The following PDPK1 variants were observed in gnomAD, a reference collection of about 807,000 sequenced individuals.
PDPK1 encodes the protein 3-phosphoinositide dependent protein kinase 1.
A neutral mutation model predicts 39.8 loss-of-function variants in PDPK1; 7 were observed. The ratio of observed to expected loss-of-function variants is 0.18; its 90% confidence interval spans 0.10 to 0.33. The LOEUF is 0.33. Among genes scored for constraint, PDPK1 ranks in the 10% least tolerant of loss-of-function variants. The pLI is 1.00. For missense variants in PDPK1, 182 were observed against 384.7 expected, an observed-to-expected ratio of 0.47 and a Z score of 4.41; for synonymous variants, 118 against 159.1, an observed-to-expected ratio of 0.74 and a Z score of 1.95.
intron 2 of PDPK1, among the ~76,000 whole-genome samples, chr16:2,559,733 ATTT>A: frequency 6.9e-6 from 1 of 144,252 alleles, no homozygotes; most frequent in Non-Finnish European, 1.5e-5. Context: ...GGCCCTTAAC[ATTT>A]ATCTTGACTG....
chr16:2,597,275 G>C lies in PDPK1; in HGVS notation c.1554G>C (p.Thr518=), dbSNP rs751320393. Residue 518 remains threonine, a splice_region_variant and synonymous_variant, in exon 13 of 14, where the codon ACG becomes ACC. Transcript: ENST00000342085. The surrounding 1 kb of genome is among the most constrained non-coding windows in gnomAD (Gnocchi z 6.3). ...AKNFKTFFVH[T]PNRTYYLMDP... The stretch of plus-strand genomic sequence containing the variant: ...ATTTTAAAACTTTCTTTGTCCACAC[G>C]GTGAGTCTGTTCCCAGGGATTTCTG... The C allele has an allele frequency of 1.3e-6, 2 of 1,579,426 alleles. No homozygotes were observed. The highest frequency in any genetic ancestry group is 1.7e-6 in the Non-Finnish European group (2 of 1,154,276).
At chr16:2,544,424 C>T (rs1458213813) in intron 1 of PDPK1, among the ~76,000 whole-genome samples, 1 of 152,202 alleles carries the variant, frequency 6.6e-6, no homozygotes, top group African/African-American at 2.4e-5. Context: ...ACTTACTGGA[C>T]TGAGGATGAA....
rs1158812087 is a variant in PDPK1 at position 2,599,945 on chromosome 16, A to AC, written c.*2179dup. ...AAGCTCCATCTTAACCTCCAAAGCC[A>AC]CAGAACTAGGGGCTCAGAGCCAGAG... is the stretch of plus-strand genomic sequence containing the variant. On this transcript the variant is annotated 3_prime_UTR_variant, in exon 14 of 14. Coordinates refer to ENST00000342085, the MANE Select transcript of PDPK1 (RefSeq NM_002613.5). The AC allele has an allele frequency of 4.3e-6, 1 of 233,216 alleles. No homozygotes were observed. The highest frequency in any genetic ancestry group is 2.2e-5 in the African/African-American group (1 of 45,346). 14.4% of individuals were successfully genotyped at this position (233,216 alleles called of 1,614,324 possible).
At chr16:2,590,846 C>T (rs1478026091) in intron 11 of PDPK1, among the ~76,000 whole-genome samples, 1 of 152,052 alleles carries the variant, frequency 6.6e-6, no homozygotes, top group African/African-American at 2.4e-5. Context: ...CAAGCTCTCA[C>T]TATGTTACCC....
intron 7 of PDPK1, among the ~76,000 whole-genome samples, chr16:2,578,042 G>A (rs1386816183): frequency 6.7e-6 from 1 of 148,858 alleles, no homozygotes; most frequent in Non-Finnish European, 1.5e-5. Flanking sequence ...CAGCCTGATC[G>A]TTTCTTTGGG....
At position 2,601,371 on chromosome 16, in the gene PDPK1, C is replaced by G. The variant is rs2067211733; in HGVS notation, c.*3604C>G. The G allele has an allele frequency of 4.3e-6, 1 of 234,704 alleles. No homozygotes were observed. Among genetic ancestry groups the G allele is most frequent in the Admixed American group, 5.6e-5 (1 of 17,784 alleles). 14.5% of individuals were successfully genotyped at this position (234,704 alleles called of 1,614,324 possible). ...GCAATCCATCTGTGGCCGATTTTTT[C>G]CAAGAGCCAATTTCCTTGTTTTGGT... On this transcript the variant is annotated 3_prime_UTR_variant, in exon 14 of 14. Coordinates refer to ENST00000342085, the MANE Select transcript of PDPK1 (RefSeq NM_002613.5).
At chr16:2,592,073 C>T (rs1022456448) in intron 11 of PDPK1, among the ~76,000 whole-genome samples, 12 of 152,312 alleles carry the variant, frequency 7.9e-5, no homozygotes, top group South Asian at 2.1e-4. Context: ...AAGCCTCCAG[C>T]GGGGCTCTGG....
intron 11 of PDPK1, 88 bp downstream of exon 11, chr16:2,586,981 C>A: frequency 9.0e-7 from 1 of 1,105,738 alleles, no homozygotes; most frequent in Non-Finnish European, 1.4e-6. Flanking sequence ...TGCCTTGTCA[C>A]TGCCTCCCTC....
rs539767792 is a variant in PDPK1 at position 2,539,560 on chromosome 16, A to G, written c.24+1424A>G. On this transcript the variant is annotated intron_variant, in intron 1 of 13. Transcript: ENST00000342085. Reference sequence around the variant, plus strand: ...TGAACTTTCTGCAGCTCACTCGTGGACTTTGTAGAGATGCGTGTTAAGGAA... The same window carrying G: ...TGAACTTTCTGCAGCTCACTCGTGGGCTTTGTAGAGATGCGTGTTAAGGAA... The G allele has an allele frequency of 2.6e-5, 4 of 152,272 alleles. No homozygotes were observed. The East Asian group carries it at 7.7e-4, about 29-fold the overall frequency. The allele number at this position is 152,272 out of a possible 1,614,324, so 9.4% of individuals were successfully genotyped here.
At chr16:2,580,376 T>G (rs1468201593) in intron 7 of PDPK1, among the ~76,000 whole-genome samples, 2 of 146,276 alleles carry the variant, frequency 1.4e-5, no homozygotes, top group African/African-American at 5.3e-5. Flanking sequence ...GGTGCCCTGT[T>G]CTCCCTCTAG....
rs994360991 is a variant in PDPK1 at position 2,586,757 on chromosome 16, G to A, written c.1207G>A (p.Gly403Ser). 3.7e-6 allele frequency: 6 copies of A among 1,614,080 alleles called. No individual in the cohort carries two copies. Among genetic ancestry groups the A allele is most frequent in the Non-Finnish European group, 5.1e-6 (6 of 1,180,036 alleles). Reference sequence around the variant, plus strand: ...ACACTCCCTGTCAGCCTCCGACACGGGCCTGCCCCAGAGGTCAGGCAGCAA... The same window carrying A: ...ACACTCCCTGTCAGCCTCCGACACGAGCCTGCCCCAGAGGTCAGGCAGCAA... ...SSHSLSASDT[G>S]LPQRSGSNIE... Residue 403 changes from glycine (G) to serine (S), a missense_variant, in exon 11 of 14, where the codon GGC (glycine) becomes AGC (serine). By Grantham distance (56) the Gly-to-Ser change is moderately conservative. This residue lies in a region of PDPK1 where 90 missense variants were observed against 111.9 expected (regional missense o/e 0.80). Coordinates refer to ENST00000342085, the MANE Select transcript of PDPK1 (RefSeq NM_002613.5).
chr16:2,591,614 CTGAG>C (rs1045187535), intron 11 of PDPK1, among the ~76,000 whole-genome samples: 2 of 152,192 alleles, frequency 1.3e-5, no homozygotes, highest in African/African-American at 4.8e-5. Flanking sequence ...AGCTGTTTAT[CTGAG>C]TGAGGCTGGG....
chr16:2,595,661 G>C (rs1351544172), intron 11 of PDPK1, 132 bp from the exon 12 acceptor site: 2 of 726,540 alleles, frequency 2.8e-6, no homozygotes, highest in Non-Finnish European at 5.0e-6. Context: ...AACGTTCTCT[G>C]CTCATCCCAA....
Position 2,557,982 on chromosome 16 carries a change from T to C in PDPK1, c.285+19T>C, listed in dbSNP as rs2066534420. On this transcript the variant is annotated intron_variant, in intron 2 of 13. Coordinates refer to ENST00000342085, the MANE Select transcript of PDPK1 (RefSeq NM_002613.5). ...TTCCACGGTGAGTATTTGCTGCTGC[T>C]GTGTGTCAAACGTACGTGATTTCCT... is the stretch of plus-strand genomic sequence containing the variant. 6.2e-7 allele frequency: 1 copy of C among 1,611,732 alleles called. No homozygotes were observed. The highest frequency in any genetic ancestry group is 8.5e-7 in the Non-Finnish European group (1 of 1,179,050).
chr16:2,538,554 C>T (rs1387939550), intron 1 of PDPK1: 1 of 1,094,158 alleles, frequency 9.1e-7, no homozygotes, highest in East Asian at 5.8e-5. Flanking sequence ...CCTCCGCCTG[C>T]GAGAGAAGCA....
At chr16:2,546,456 C>G (rs1269544688) in intron 1 of PDPK1, among the ~76,000 whole-genome samples, 3 of 152,212 alleles carry the variant, frequency 2.0e-5, no homozygotes, top group South Asian at 2.1e-4. Flanking sequence ...GCCTCAGCCT[C>G]ATGAGTAGCT....
intron 1 of PDPK1, among the ~76,000 whole-genome samples, chr16:2,552,462 T>C (rs2066433137): frequency 6.6e-6 from 1 of 151,640 alleles, no homozygotes; most frequent in African/African-American, 2.4e-5. Flanking sequence ...CTATCAGAGG[T>C]GTGGTTGGGG....
intron 1 of PDPK1, among the ~76,000 whole-genome samples, chr16:2,544,965 A>G (rs1473731324): frequency 3.3e-5 from 5 of 151,670 alleles, no homozygotes; most frequent in Non-Finnish European, 5.9e-5. Flanking sequence ...CCTTCTCCAG[A>G]TGCCTTCTGA....
chr16:2,589,086 G>A (rs887547839), intron 11 of PDPK1, among the ~76,000 whole-genome samples: 15 of 152,130 alleles, frequency 9.9e-5, no homozygotes, highest in African/African-American at 3.4e-4. Context: ...CTCCTGAGTA[G>A]CTGGGATTAC....
Sources: allele counts gnomAD v4.1 joint callset (sites outside exome capture counted in the v4.1 genomes callset), GRCh38; gene constraint gnomAD v4.1.1; regional missense constraint gnomAD v4.1.1; non-coding constraint Gnocchi (gnomAD v3.1); transcripts MANE v1.5; gene names NCBI Gene and HGNC (gene_info 2026-07-23, HGNC 2026-07-21).